The following CCDC171 variants were observed in gnomAD, a reference collection of about 807,000 sequenced individuals.
The protein encoded by CCDC171 is coiled-coil domain-containing protein 171.
A neutral mutation model predicts 168.2 loss-of-function variants in CCDC171; 177 were observed. The ratio of observed to expected loss-of-function variants is 1.05; its 90% CI spans 0.93 to 1.19. The LOEUF is 1.19. Ranked by LOEUF, CCDC171 falls within the 50% of genes most tolerant of loss-of-function variation. The pLI is 0.00. For missense variants in CCDC171, 1,991 were observed against 1,539.0 expected, an observed-to-expected ratio of 1.29 and a Z score of -4.91; for synonymous variants, 687 against 540.8, an observed-to-expected ratio of 1.27 and a Z score of -3.75.
At chr9:15,668,394 G>A (rs2048881192) in intron 9 of CCDC171, among the ~76,000 whole-genome samples, 1 of 152,000 alleles carries the variant, frequency 6.6e-6, no homozygotes, top group Non-Finnish European at 1.5e-5. Flanking sequence ...TTTGGTACTT[G>A]AAAATTTTTA....
chr9:15,683,742 A>C (rs548842877), intron 10 of CCDC171, among the ~76,000 whole-genome samples: 1 of 152,200 alleles, frequency 6.6e-6, no homozygotes, highest in African/African-American at 2.4e-5. Context: ...GAAAATCCAA[A>C]TCTCATTTTT....
At chr9:15,861,708 A>G (rs757353416) in intron 23 of CCDC171, among the ~76,000 whole-genome samples, 2 of 149,696 alleles carry the variant, frequency 1.3e-5, no homozygotes, top group Admixed American at 1.3e-4. Context: ...ATTCATTCAC[A>G]TATTTTTTAC....
At chr9:15,936,608 G>T (rs1827148629) in intron 25 of CCDC171, among the ~76,000 whole-genome samples, 1 of 151,918 alleles carries the variant, frequency 6.6e-6, no homozygotes, top group South Asian at 2.1e-4. Context: ...TATGTTGCTT[G>T]AAAAAATAGT....
chr9:16,098,434 G>A, the CCDC171 span, among the ~76,000 whole-genome samples: 1 of 152,220 alleles, frequency 6.6e-6, no homozygotes. Context: ...AGAAAAAAAT[G>A]TGTTCATTCT....
At chr9:15,793,553 T>TTG (rs2058386020) in intron 21 of CCDC171, among the ~76,000 whole-genome samples, 2 of 40,130 alleles carry the variant, frequency 5.0e-5, no homozygotes. Flanking sequence ...ATTCCAAGGT[T>TTG]TTTTTTTTTT....
intron 18 of CCDC171, among the ~76,000 whole-genome samples, chr9:15,748,617 C>T (rs571276389): frequency 7.1e-4 from 108 of 152,300 alleles, no homozygotes; most frequent in African/African-American, 2.5e-3. Flanking sequence ...AGACTAACAG[C>T]GGATCTCTTA....
At chr9:15,674,700 T>G (rs1248755378) in intron 9 of CCDC171, among the ~76,000 whole-genome samples, 1 of 152,246 alleles carries the variant, frequency 6.6e-6, no homozygotes, top group African/African-American at 2.4e-5. Context: ...TGAGTTCTAG[T>G]TTGATTGCAC....
At chr9:15,773,935 A>G (rs2057153020) in intron 18 of CCDC171, among the ~76,000 whole-genome samples, 1 of 152,130 alleles carries the variant, frequency 6.6e-6, no homozygotes. Context: ...GAACTCAAAC[A>G]AATCAGCAAG....
chr9:15,667,988 A>G (rs914435782), intron 9 of CCDC171, among the ~76,000 whole-genome samples: 1 of 152,200 alleles, frequency 6.6e-6, no homozygotes, highest in African/African-American at 2.4e-5. Flanking sequence ...TATTATTCAA[A>G]TATGTATTCA....
At position 15,664,567 on chromosome 9, in the gene CCDC171, T is replaced by TACAC. The variant is rs34252519; in HGVS notation, c.916-1577_916-1574dup. Among the ~76,000 whole-genome samples the TACAC allele has an allele frequency of 3.8e-4, 55 of 144,090 alleles. No homozygotes were observed. In the East Asian group the frequency reaches 5.2e-3, roughly 14 times the overall value. 94.5% of individuals were successfully genotyped at this position (144,090 alleles called of 152,430 possible). A position where few individuals can be genotyped will look rare whatever the true frequency, so the allele number is the denominator to read the frequency against. Reference sequence around the variant, plus strand: ...CTTGGCCTGTAGGCCCTTAAATTTATACACACACACACACACACACACTCA... The same window carrying TACAC: ...CTTGGCCTGTAGGCCCTTAAATTTATACACACACACACACACACACACACACTCA... On this transcript the variant is annotated intron_variant, in intron 8 of 25. Transcript: ENST00000380701.
intron 24 of CCDC171, among the ~76,000 whole-genome samples, chr9:15,898,081 G>C (rs2131593930): frequency 6.6e-6 from 1 of 152,288 alleles, no homozygotes; most frequent in East Asian, 1.9e-4. Context: ...GTCAGAATTA[G>C]AAAAAATACG....
upstream of CCDC171, among the ~76,000 whole-genome samples, chr9:16,042,414 T>C (rs920265170): frequency 6.6e-6 from 1 of 152,186 alleles, no homozygotes; most frequent in Non-Finnish European, 1.5e-5. Context: ...GGAGGGCTTC[T>C]GGGTAGGACC....
chr9:15,892,054 T>C (rs1242749029), intron 24 of CCDC171, among the ~76,000 whole-genome samples: 1 of 152,202 alleles, frequency 6.6e-6, no homozygotes, highest in Non-Finnish European at 1.5e-5. Flanking sequence ...TTTATTAGTG[T>C]TTTATCCACT....
chr9:15,574,877 CT>C (rs2040513731), intron 3 of CCDC171, among the ~76,000 whole-genome samples: 1 of 152,118 alleles, frequency 6.6e-6, no homozygotes, highest in Non-Finnish European at 1.5e-5. Context: ...TAATAGATTA[CT>C]GTTGAAAGGA....
intron 3 of CCDC171, among the ~76,000 whole-genome samples, chr9:15,577,003 C>A (rs778149326): frequency 6.6e-6 from 1 of 152,144 alleles, no homozygotes; most frequent in Non-Finnish European, 1.5e-5. Flanking sequence ...AAGGAATGTT[C>A]AGTGGGGATT....
intron 25 of CCDC171, among the ~76,000 whole-genome samples, chr9:15,969,335 A>G (rs1305752420): frequency 6.6e-6 from 1 of 152,192 alleles, no homozygotes; most frequent in Non-Finnish European, 1.5e-5. Flanking sequence ...ACTTTCCCTA[A>G]AGGACTGCCT....
chr9:15,775,831 T>C (rs1051132141), intron 18 of CCDC171, among the ~76,000 whole-genome samples: 1 of 152,170 alleles, frequency 6.6e-6, no homozygotes, highest in Non-Finnish European at 1.5e-5. Context: ...TAAAAAGAAA[T>C]ATAATTTAAC....
At chr9:15,812,258 G>C (rs1277079009) in intron 21 of CCDC171, among the ~76,000 whole-genome samples, 1 of 152,248 alleles carries the variant, frequency 6.6e-6, no homozygotes, top group East Asian at 1.9e-4. Context: ...ATGGCTTCAA[G>C]GAAACCACCA....
intron 25 of CCDC171, among the ~76,000 whole-genome samples, chr9:15,929,975 G>A (rs192389051): frequency 2.6e-5 from 4 of 151,530 alleles, no homozygotes; most frequent in Admixed American, 2.0e-4. Flanking sequence ...TGTTCTGATC[G>A]TTTGTCACTG....
Sources: allele counts gnomAD v4.1 joint callset (sites outside exome capture counted in the v4.1 genomes callset), GRCh38; gene constraint gnomAD v4.1.1; transcripts MANE v1.5; gene names NCBI Gene and HGNC (gene_info 2026-07-23, HGNC 2026-07-21).